Variants in PRMT3 observed in about 807,000 individuals in gnomAD.
PRMT3 encodes protein arginine N-methyltransferase 3.
PRMT3 carries 62 observed loss-of-function variants against 71.9 expected under a neutral mutation model. The observed-to-expected ratio is 0.86, with a 90% CI of 0.70 to 1.07. The LOEUF (loss-of-function observed/expected upper bound fraction) is 1.07, where lower values mean the gene tolerates loss of function less well. Ranked by LOEUF, PRMT3 falls within the 50% of genes least tolerant of loss-of-function variation. PRMT3 has a pLI of 0.00. For missense variants in PRMT3, 663 were observed against 643.0 expected, an observed-to-expected ratio of 1.03 and a Z score of -0.34; for synonymous variants, 213 against 220.4, an observed-to-expected ratio of 0.97 and a Z score of 0.30.
At position 20,476,116 on chromosome 11, in the gene PRMT3, G is replaced by GAGGCGAGTGGATC. The variant is rs1850777202; in HGVS notation, c.1347+11572_1347+11584dup. On this transcript the variant is annotated intron_variant, in intron 13 of 15. Coordinates refer to ENST00000331079, the MANE Select transcript of PRMT3 (RefSeq NM_005788.4). ...TGTAATTCTAGCACTTTGGGAGGCC[G>GAGGCGAGTGGATC]AGGCGAGTGGATCACCTCAGGTCAA... Among the ~76,000 whole-genome samples the GAGGCGAGTGGATC allele has an allele frequency of 3.3e-5, 5 of 151,988 alleles. No homozygotes were observed. In the South Asian group the frequency reaches 1.0e-3, roughly 32 times the overall value.
chr11:20,492,279 A>G (rs1851226358), intron 13 of PRMT3, among the ~76,000 whole-genome samples: 1 of 152,232 alleles, frequency 6.6e-6, no homozygotes, highest in Non-Finnish European at 1.5e-5. Flanking sequence ...ATAAATAAGA[A>G]AACAGTTGAA....
At chr11:20,458,684 T>A (rs1357572883) in intron 11 of PRMT3, among the ~76,000 whole-genome samples, 1 of 152,204 alleles carries the variant, frequency 6.6e-6, no homozygotes, top group Non-Finnish European at 1.5e-5. Context: ...TAACACTGAT[T>A]ACATATCCTT....
At chr11:20,408,395 T>C (rs1849119943) in intron 9 of PRMT3, among the ~76,000 whole-genome samples, 1 of 152,050 alleles carries the variant, frequency 6.6e-6, no homozygotes, top group African/African-American at 2.4e-5. Flanking sequence ...AGTAATATTT[T>C]CTTTAGCAAA....
intron 15 of PRMT3, among the ~76,000 whole-genome samples, chr11:20,502,229 A>G (rs945101366): frequency 3.9e-5 from 6 of 152,160 alleles, no homozygotes; most frequent in Admixed American, 1.3e-4. Flanking sequence ...TTTTATATCT[A>G]TTTGACACTG....
At chr11:20,459,559 G>A (rs1850337429) in intron 11 of PRMT3, among the ~76,000 whole-genome samples, 1 of 152,130 alleles carries the variant, frequency 6.6e-6, no homozygotes, top group African/African-American at 2.4e-5. Context: ...ACAAAAGTCA[G>A]TTTTGTCCAC....
intron 13 of PRMT3, among the ~76,000 whole-genome samples, chr11:20,475,114 G>A (rs1467429701): frequency 1.3e-5 from 2 of 152,206 alleles, no homozygotes; most frequent in Admixed American, 1.3e-4. Context: ...GACATAGAAT[G>A]TACTACTTGC....
chr11:20,431,838 GTGCTGACAA>G (rs1849660769), intron 10 of PRMT3, among the ~76,000 whole-genome samples: 1 of 152,076 alleles, frequency 6.6e-6, no homozygotes, highest in Non-Finnish European at 1.5e-5. Context: ...TTTTTAGGCA[GTGCTGACAA>G]TGCCTAATAA....
At chr11:20,466,485 C>T (rs1262455228) in intron 13 of PRMT3, among the ~76,000 whole-genome samples, 1 of 152,194 alleles carries the variant, frequency 6.6e-6, no homozygotes, top group Non-Finnish European at 1.5e-5. Context: ...CCATGTTCTC[C>T]TTCCAAATCT....
chr11:20,448,006 CA>C (rs1269084675), intron 10 of PRMT3, among the ~76,000 whole-genome samples: 2 of 151,972 alleles, frequency 1.3e-5, no homozygotes, highest in African/African-American at 4.8e-5. Context: ...TGTTTGTAAA[CA>C]AAGTGTTTTA....
intron 9 of PRMT3, among the ~76,000 whole-genome samples, chr11:20,413,916 G>C (rs1057054303): frequency 6.6e-6 from 1 of 151,748 alleles, no homozygotes; most frequent in African/African-American, 2.4e-5. Context: ...CCCTTTTCTC[G>C]GTCAGAAGTC....
intron 11 of PRMT3, among the ~76,000 whole-genome samples, chr11:20,460,614 A>C (rs1371982267): frequency 6.6e-6 from 1 of 152,192 alleles, no homozygotes; most frequent in Non-Finnish European, 1.5e-5. Flanking sequence ...TATGTCTTCA[A>C]CTTAGATATC....
chr11:20,497,634 G>A (rs1851362639), intron 15 of PRMT3, among the ~76,000 whole-genome samples: 1 of 152,130 alleles, frequency 6.6e-6, no homozygotes, highest in Non-Finnish European at 1.5e-5. Context: ...CAGAAAACAA[G>A]CTCAAAAAGA....
chr11:20,483,554 CAAAAA>C (rs10583759), intron 13 of PRMT3, among the ~76,000 whole-genome samples: 110 of 135,750 alleles, frequency 8.1e-4, no homozygotes, highest in African/African-American at 2.3e-3. Flanking sequence ...CAGAGATTGC[CAAAAA>C]AAAAAAAAAA....
Position 20,412,063 on chromosome 11 carries a change from T to A in PRMT3, c.893+4031T>A, listed in dbSNP as rs184760977. On this transcript the variant is annotated intron_variant, in intron 9 of 15. Coordinates refer to ENST00000331079, the MANE Select transcript of PRMT3 (RefSeq NM_005788.4). ...AAGGACTAAAGAAGCAGACTTATTA[T>A]TATCTCACAGTTTTTAGTACTAATG... Among the ~76,000 whole-genome samples the A allele has an allele frequency of 4.6e-3, 697 of 152,316 alleles. 6 individuals carry two copies. Among genetic ancestry groups the A allele is most frequent in the Non-Finnish European group, 7.9e-3 (539 of 68,014 alleles).
rs547835409 is a variant in PRMT3 at position 20,471,007 on chromosome 11, CAT to C, written c.1347+6464_1347+6465del. 3.0e-4 allele frequency among the ~76,000 whole-genome samples: 45 copies of C among 151,684 alleles called. 1 individual carries two copies. The highest frequency in any genetic ancestry group is 1.6e-3 in the Admixed American group (24 of 15,220). ...GATCAGTAATGTTGAGCTTTTTTTCCATATGTTTCTTGGCCACATGTAAAGAA... is the reference window on the plus strand; with the variant it reads ...GATCAGTAATGTTGAGCTTTTTTTCCATGTTTCTTGGCCACATGTAAAGAA... On this transcript the variant is annotated intron_variant, in intron 13 of 15. Coordinates refer to ENST00000331079, the MANE Select transcript of PRMT3 (RefSeq NM_005788.4).
At chr11:20,475,983 ATTAACAGAT>A (rs1361616396) in intron 13 of PRMT3, among the ~76,000 whole-genome samples, 3 of 151,998 alleles carry the variant, frequency 2.0e-5, no homozygotes, top group Non-Finnish European at 4.4e-5. Context: ...AAATCTTTAC[ATTAACAGAT>A]TTAAACAAAT....
At position 20,462,117 on chromosome 11, in the gene PRMT3, G is replaced by A. The variant is rs765101461; in HGVS notation, c.1210G>A (p.Val404Met). 1 of 1,612,934 alleles carries A rather than the reference G, an allele frequency of 6.2e-7. No homozygotes were observed. The highest frequency in any genetic ancestry group is 8.5e-7 in the Non-Finnish European group (1 of 1,179,310). ...MKKAVIPEAV[V>M]EVLDPKTLIS... is the part of the protein sequence containing the mutation. ...GAAAGCAGTTATTCCAGAAGCTGTTGTGGAAGTTTTAGATCCGAAGACTCT... is the reference window on the plus strand; with the variant it reads ...GAAAGCAGTTATTCCAGAAGCTGTTATGGAAGTTTTAGATCCGAAGACTCT... Residue 404 changes from valine to methionine, a missense_variant, in exon 12 of 16, where the codon GTG becomes ATG. Coordinates refer to ENST00000331079, the MANE Select transcript of PRMT3 (RefSeq NM_005788.4).
chr11:20,479,298 G>A (rs1417623363), intron 13 of PRMT3, among the ~76,000 whole-genome samples: 1 of 152,192 alleles, frequency 6.6e-6, no homozygotes, highest in Non-Finnish European at 1.5e-5. Flanking sequence ...AGTAGCATAT[G>A]CTAGGAGCTG....
At chr11:20,421,271 C>A (rs567394358) in intron 9 of PRMT3, among the ~76,000 whole-genome samples, 23 of 152,272 alleles carry the variant, frequency 1.5e-4, no homozygotes, top group African/African-American at 5.5e-4. Context: ...CTCTTGGGCT[C>A]AAGCAATCCT....
Sources: gnomAD v4.1 joint callset for allele counts (sites outside exome capture counted in the v4.1 genomes callset) on GRCh38, gnomAD v4.1.1 for gene constraint, MANE v1.5 for transcripts, NCBI Gene and HGNC (gene_info 2026-07-23, HGNC 2026-07-21) for gene names.